Variants in RALGPS2 observed in about 807,000 individuals in gnomAD.
RALGPS2 encodes Ral GEF with PH domain and SH3 binding motif 2.
Under a neutral mutation model 86.8 loss-of-function variants are expected in RALGPS2, and 43 were observed. The ratio of observed to expected loss-of-function variants is 0.50; its 90% CI spans 0.39 to 0.64. RALGPS2 has a LOEUF of 0.64. Among genes scored for constraint, RALGPS2 ranks in the 30% least tolerant of loss-of-function variants. The probability of loss-of-function intolerance (pLI) is 0.00; values close to 1 mark genes in which losing one functional copy is unlikely to be tolerated. For synonymous variants in RALGPS2, 243 were observed against 231.3 expected (o/e 1.05, Z -0.46); for missense variants, 536 against 694.6 (o/e 0.77, Z 2.57).
chr1:178,735,887 A>G (rs991363988), intron 1 of RALGPS2, among the ~76,000 whole-genome samples: 1 of 151,490 alleles, frequency 6.6e-6, no homozygotes, highest in African/African-American at 2.4e-5. Context: ...GTGTGAATGT[A>G]TCATTATTTA....
intron 8 of RALGPS2, among the ~76,000 whole-genome samples, chr1:178,858,181 ATT>A (rs1657722970): frequency 6.6e-6 from 1 of 152,080 alleles, no homozygotes; most frequent in African/African-American, 2.4e-5. Context: ...ATTTATTTGT[ATT>A]TATTTTTATA....
At chr1:178,762,939 C>T (rs989108041) in intron 1 of RALGPS2, among the ~76,000 whole-genome samples, 4 of 152,050 alleles carry the variant, frequency 2.6e-5, no homozygotes, top group African/African-American at 9.7e-5. Flanking sequence ...AATGGTATTT[C>T]CTAGGTTATC....
intron 4 of RALGPS2, among the ~76,000 whole-genome samples, chr1:178,803,401 T>C (rs778960795): frequency 6.6e-6 from 1 of 151,724 alleles, no homozygotes; most frequent in Admixed American, 6.6e-5. Flanking sequence ...TTTGTAATTA[T>C]AGTAATTGGC....
At chr1:178,746,789 A>G (rs1651354750) in intron 1 of RALGPS2, 2 of 944,846 alleles carry the variant, frequency 2.1e-6, no homozygotes, top group South Asian at 1.3e-5. Flanking sequence ...GTCCTCTCAC[A>G]TACGTTTCCG....
chr1:178,772,430 G>A (rs72705196), intron 1 of RALGPS2, among the ~76,000 whole-genome samples: 21,441 of 152,070 alleles, frequency 0.14, 1,887 homozygotes, highest in African/African-American at 0.25. Context: ...ACCTATATTC[G>A]TATTTTGGGT....
rs888928640 is a variant in RALGPS2 at position 178,802,804 on chromosome 1, C to T, written c.214-5241C>T. On this transcript the variant is annotated intron_variant, in intron 4 of 19. Transcript: ENST00000367635. Reference sequence around the variant, plus strand: ...TGATAAATGTTAACTTTTTTAAATACATTTGTGTGTATTTTATGGTAGTAA... The same window carrying T: ...TGATAAATGTTAACTTTTTTAAATATATTTGTGTGTATTTTATGGTAGTAA... Among the ~76,000 whole-genome samples the T allele has an allele frequency of 2.6e-5, 4 of 152,022 alleles. No homozygotes were observed. The South Asian group carries it at 6.2e-4, about 24-fold the overall frequency.
intron 7 of RALGPS2, among the ~76,000 whole-genome samples, chr1:178,826,149 GACA>G (rs367881842): frequency 7.2e-5 from 11 of 152,272 alleles, no homozygotes; most frequent in African/African-American, 2.4e-4. Flanking sequence ...GTACCAAAAA[GACA>G]ACAACATTCT....
At chr1:178,739,301 TATC>T (rs1650893440) in intron 1 of RALGPS2, among the ~76,000 whole-genome samples, 1 of 152,210 alleles carries the variant, frequency 6.6e-6, no homozygotes, top group African/African-American at 2.4e-5. Flanking sequence ...TTGAGAGTGT[TATC>T]ATAAAAGTAT....
intron 1 of RALGPS2, among the ~76,000 whole-genome samples, chr1:178,773,167 A>G (rs1386016976): frequency 6.6e-6 from 1 of 152,186 alleles, no homozygotes; most frequent in East Asian, 1.9e-4. Context: ...ATGATGTAAT[A>G]GTGATACCCT....
intron 7 of RALGPS2, among the ~76,000 whole-genome samples, chr1:178,827,436 C>T (rs1275053079): frequency 1.7e-4 from 25 of 148,306 alleles, no homozygotes; most frequent in African/African-American, 6.3e-4. Context: ...GCTCTGTCGC[C>T]CAGGCTGGAG....
intron 8 of RALGPS2, among the ~76,000 whole-genome samples, chr1:178,872,772 A>G (rs1408745810): frequency 6.6e-6 from 1 of 152,228 alleles, no homozygotes; most frequent in Non-Finnish European, 1.5e-5. Context: ...GCACTTAGTA[A>G]TATCACTAGC....
chr1:178,856,618 A>G (rs1012252202), intron 8 of RALGPS2, among the ~76,000 whole-genome samples: 1 of 151,558 alleles, frequency 6.6e-6, no homozygotes, highest in African/African-American at 2.4e-5. Flanking sequence ...GACTCAACTT[A>G]GTGAACGTAT....
At chr1:178,748,344 C>T (rs933835263) in intron 1 of RALGPS2, among the ~76,000 whole-genome samples, 6 of 150,076 alleles carry the variant, frequency 4.0e-5, no homozygotes, top group African/African-American at 9.8e-5. Flanking sequence ...AAGAAGTTAA[C>T]GTACACCTAC....
At chr1:178,913,296 GAAAAGA>G (rs1282191070) in intron 19 of RALGPS2, among the ~76,000 whole-genome samples, 1 of 148,790 alleles carries the variant, frequency 6.7e-6, no homozygotes, top group African/African-American at 2.5e-5. Context: ...AAAAAAAAAA[GAAAAGA>G]AAAAGAAAGA....
At chr1:178,901,927 A>G (rs1405755342) in intron 17 of RALGPS2, among the ~76,000 whole-genome samples, 179 bp from the exon 18 acceptor site, 2 of 152,106 alleles carry the variant, frequency 1.3e-5, no homozygotes, top group Admixed American at 6.6e-5. Flanking sequence ...GATTATCTGA[A>G]GAAGGCATGC....
chr1:178,726,919 ATACACATAAGTGTAT>A, intron 1 of RALGPS2, among the ~76,000 whole-genome samples: 1 of 152,382 alleles, frequency 6.6e-6, no homozygotes, highest in Non-Finnish European at 1.5e-5. Flanking sequence ...CTATAGAATC[ATACACATAAGTGTAT>A]TACTCTTACG....
rs1382012638 is a variant in RALGPS2 at position 178,919,605 on chromosome 1, A to G, written c.*3246A>G. The G allele has an allele frequency of 6.6e-6, 1 of 152,086 alleles. No individual in the cohort carries two copies. 9.4% of individuals were successfully genotyped at this position (152,086 alleles called of 1,614,324 possible). ...GATCTTTTGGCCAAATGACTTGAGC[A>G]TAAGTCTTTTATTTCTTTTTAAGGT... On this transcript the variant is annotated 3_prime_UTR_variant, in exon 20 of 20. Coordinates refer to ENST00000367635, the MANE Select transcript of RALGPS2 (RefSeq NM_152663.5).
At chr1:178,788,458 G>A (rs75950436) in intron 4 of RALGPS2, among the ~76,000 whole-genome samples, 3,784 of 152,290 alleles carry the variant, frequency 0.025, 154 homozygotes, top group African/African-American at 0.086. Flanking sequence ...AATAGGAAGT[G>A]TGAGGGTAGT....
chr1:178,876,952 G>A (rs1194958797), intron 8 of RALGPS2, among the ~76,000 whole-genome samples: 2 of 152,100 alleles, frequency 1.3e-5, no homozygotes, highest in Non-Finnish European at 2.9e-5. Context: ...AATTTTCAAA[G>A]TAGTTAAGAC....
Sources: gnomAD v4.1 joint callset for allele counts (sites outside exome capture counted in the v4.1 genomes callset) on GRCh38, gnomAD v4.1.1 for gene constraint, MANE v1.5 for transcripts, NCBI Gene and HGNC (gene_info 2026-07-23, HGNC 2026-07-21) for gene names.